The following TTC34 variants were observed in gnomAD, a reference collection of about 807,000 sequenced individuals.
TTC34 encodes tetratricopeptide repeat protein 34.
A neutral mutation model predicts 40.7 loss-of-function variants in TTC34; 44 were observed. That is an observed-to-expected ratio of 1.08 (90% CI 0.85 to 1.39). The LOEUF (loss-of-function observed/expected upper bound fraction) is 1.39. Among genes scored for constraint, TTC34 ranks in the 40% most tolerant of loss-of-function variants. TTC34 has a pLI of 0.00. For synonymous variants in TTC34, 422 were observed against 398.6 expected (o/e 1.06, Z -0.70); for missense variants, 884 against 838.0 (o/e 1.05, Z -0.68).
intron 6 of TTC34, among the ~76,000 whole-genome samples, chr1:2,751,299 A>G (rs1393637996): frequency 8.0e-6 from 1 of 124,678 alleles, no homozygotes; most frequent in Admixed American, 8.2e-5. Flanking sequence ...CCAGGTGAGC[A>G]TCCGACACCG....
intron 6 of TTC34, among the ~76,000 whole-genome samples, chr1:2,647,511 G>A (rs982159766): frequency 6.6e-6 from 1 of 152,196 alleles, no homozygotes; most frequent in Non-Finnish European, 1.5e-5. Flanking sequence ...GTGGGTGCCT[G>A]TAGTCCCAGC....
chr1:2,759,739 T>C (rs1641632122), intron 6 of TTC34, among the ~76,000 whole-genome samples: 1 of 69,876 alleles, frequency 1.4e-5, no homozygotes, highest in Admixed American at 1.7e-4. Context: ...ACATCCGACA[T>C]CGTGGAGCAG....
chr1:2,751,844 C>T (rs1207439207), intron 6 of TTC34, among the ~76,000 whole-genome samples: 6 of 111,082 alleles, frequency 5.4e-5, no homozygotes, highest in Admixed American at 9.2e-5. Flanking sequence ...GAACAGCACC[C>T]TGCACCCCCA....
At chr1:2,750,712 G>C (rs1641290666) in intron 6 of TTC34, among the ~76,000 whole-genome samples, 2 of 144,064 alleles carry the variant, frequency 1.4e-5, no homozygotes, top group Non-Finnish European at 3.0e-5. Context: ...CGACAGCCTG[G>C]AGCAGCACCC....
rs1427918363 is a variant in TTC34, at chr1:2,796,758, C to T, written c.784+3286G>A. ...CCGGGGTCCCCTCCTTCCTCAGAAG[C>T]TCACGATTCGGTGTGACTTTGTTGA... On this transcript the variant is annotated intron_variant, in intron 2 of 8. Transcript: ENST00000401095. The surrounding 1 kb of genome is among the most constrained non-coding windows in gnomAD (Gnocchi z 4.5). 2.0e-5 allele frequency among the ~76,000 whole-genome samples: 3 copies of T among 152,302 alleles called. No homozygotes were observed. The East Asian group carries it at 5.8e-4, about 29-fold the overall frequency.
At chr1:2,647,633 C>T (rs1348102994) in intron 6 of TTC34, among the ~76,000 whole-genome samples, 1 of 152,052 alleles carries the variant, frequency 6.6e-6, no homozygotes, top group Non-Finnish European at 1.5e-5. Context: ...GACTCCATCT[C>T]TTCTAGAAAA....
intron 6 of TTC34, among the ~76,000 whole-genome samples, chr1:2,685,887 T>C (rs1570812372): frequency 2.0e-5 from 3 of 149,296 alleles, no homozygotes; most frequent in African/African-American, 5.0e-5. Flanking sequence ...CACCCCCAGG[T>C]GAGCATCTGA....
chr1:2,756,593 G>T (rs1641513169), intron 6 of TTC34, among the ~76,000 whole-genome samples: 42 of 149,688 alleles, frequency 2.8e-4, no homozygotes, highest in East Asian at 5.9e-4. Context: ...ACACCAACAG[G>T]TGAGCATCTG....
chr1:2,650,048 G>C (rs1400495311), intron 6 of TTC34, among the ~76,000 whole-genome samples: 1 of 116,036 alleles, frequency 8.6e-6, no homozygotes, highest in Non-Finnish European at 1.8e-5. Flanking sequence ...ATGGCACTCT[G>C]CATCCCCAGG....
intron 8 of TTC34, 78 bp downstream of exon 8, chr1:2,644,186 C>T: frequency 7.2e-7 from 1 of 1,396,552 alleles, no homozygotes; most frequent in Middle Eastern, 2.5e-4. Flanking sequence ...AAAGGCTGCC[C>T]CAGTGGTGGG....
rs775096362 is a variant in TTC34, at chr1:2,645,455, A to G, written c.2335T>C (p.Tyr779His). ...CTCAGAAGGGCCCGGCAGTGGGAGTAGAGGCCCTGTGTGATGAGGGCCTGG... is the reference window on the plus strand; with the variant it reads ...CTCAGAAGGGCCCGGCAGTGGGAGTGGAGGCCCTGTGTGATGAGGGCCTGG... Residue 779 changes from tyrosine to histidine, a missense_variant, in exon 7 of 9, where the codon TAC (tyrosine) becomes CAC (histidine). Physicochemically the swap from Tyr to His is moderately conservative, Grantham distance 83. Coordinates refer to ENST00000401095, the Ensembl canonical transcript of TTC34. This position sits in a 1 kb window ranked among gnomAD's most constrained non-coding sequence, Gnocchi z 4.7. 8 of 1,535,086 alleles carry G rather than the reference A, an allele frequency of 5.2e-6. No individual in the cohort carries two copies. The highest frequency in any genetic ancestry group is 2.7e-5 in the African/African-American group (2 of 72,984).
chr1:2,699,262 C>T (rs994149767), intron 6 of TTC34, among the ~76,000 whole-genome samples: 4 of 149,660 alleles, frequency 2.7e-5, no homozygotes, highest in Non-Finnish European at 4.5e-5. Context: ...CCAAGGCGAG[C>T]ATCTGAAGTC....
intron 6 of TTC34, among the ~76,000 whole-genome samples, chr1:2,691,942 C>G (rs1038798618): frequency 1.2e-5 from 1 of 83,898 alleles, no homozygotes; most frequent in African/African-American, 4.0e-5. Context: ...ACACCACGCA[C>G]AACCCCAGGT....
exon 2 of TTC34, chr1:2,800,665 C>T: frequency 2.5e-6 from 1 of 398,472 alleles, no homozygotes; most frequent in Non-Finnish European, 4.4e-6. Context: ...ACCGCCGCCC[C>T]CCGAGCCTGG....
intron 2 of TTC34, among the ~76,000 whole-genome samples, chr1:2,791,637 C>G (rs1032520882): frequency 2.0e-5 from 3 of 152,090 alleles, no homozygotes; most frequent in Admixed American, 1.3e-4. Flanking sequence ...TTCTGGTGGC[C>G]AAAGTAAAAG....
chr1:2,683,357 G>T (rs1346868086), intron 6 of TTC34, among the ~76,000 whole-genome samples: 14 of 144,326 alleles, frequency 9.7e-5, no homozygotes, highest in African/African-American at 3.4e-4. Context: ...TGCACCCCCA[G>T]GTGAGCATCT....
intron 6 of TTC34, among the ~76,000 whole-genome samples, chr1:2,683,923 A>G (rs1328390972): frequency 7.0e-6 from 1 of 142,704 alleles, no homozygotes; most frequent in Non-Finnish European, 1.5e-5. Flanking sequence ...CCTCCAGGTG[A>G]GCATCTGATG....
chr1:2,750,129 G>A (rs1641267035), intron 6 of TTC34, among the ~76,000 whole-genome samples: 1 of 150,944 alleles, frequency 6.6e-6, no homozygotes, highest in African/African-American at 2.4e-5. Context: ...CACACACCCA[G>A]GTGAGCATCC....
At chr1:2,692,557 A>G (rs1254579296) in intron 6 of TTC34, among the ~76,000 whole-genome samples, 1 of 118,890 alleles carries the variant, frequency 8.4e-6, no homozygotes. Context: ...CCAGGCGAGC[A>G]TCGGACGGCC....
Sources: gnomAD v4.1 joint callset for allele counts (sites outside exome capture counted in the v4.1 genomes callset) on GRCh38, gnomAD v4.1.1 for gene constraint, Gnocchi (gnomAD v3.1) non-coding constraint, MANE v1.5 for transcripts, NCBI Gene and HGNC (gene_info 2026-07-23, HGNC 2026-07-21) for gene names.